The following TNFAIP6 variants were observed in gnomAD, a reference collection of about 807,000 sequenced individuals.
The protein encoded by TNFAIP6 is tumor necrosis factor-inducible gene 6 protein.
In TNFAIP6, 36 loss-of-function variants were observed where a neutral mutation model predicts 33.7. The observed-to-expected ratio is 1.07, with a 90% confidence interval of 0.82 to 1.41. The LOEUF (loss-of-function observed/expected upper bound fraction) is 1.41, where lower values mean the gene tolerates loss of function less well. TNFAIP6 is among the 40% of genes most tolerant of loss of function. TNFAIP6 has a pLI of 0.00. For synonymous variants in TNFAIP6, 113 were observed against 112.8 expected (o/e 1.00, Z -0.01); for missense variants, 273 against 331.9 (o/e 0.82, Z 1.38).
intron 5 of TNFAIP6, among the ~76,000 whole-genome samples, chr2:151,376,305 C>T (rs1165775676): frequency 6.6e-6 from 1 of 151,558 alleles, no homozygotes; most frequent in East Asian, 1.9e-4. Context: ...GTAGTCCCAG[C>T]TACTCGGGAG....
intron 1 of TNFAIP6, 121 bp downstream of exon 1, chr2:151,357,881 C>A: frequency 1.7e-6 from 1 of 577,638 alleles, no homozygotes; most frequent in South Asian, 2.7e-5. Context: ...AAAGAAAATG[C>A]TTAGGAAAGA....
At chr2:151,359,426 T>C (rs1394664881) in intron 1 of TNFAIP6, among the ~76,000 whole-genome samples, 1 of 149,962 alleles carries the variant, frequency 6.7e-6, no homozygotes, top group African/African-American at 2.5e-5. Context: ...TCTCGCTCTG[T>C]TGCCCACGCT....
At position 151,364,048 on chromosome 2, in the gene TNFAIP6, C is replaced by T. The variant is rs776169770; in HGVS notation, c.200C>T (p.Thr67Ile). ...VCEFEGGHLATYKQLEAARKI... is the reference protein window; with the variant it reads ...VCEFEGGHLAIYKQLEAARKI... ...GAATTTGAAGGCGGCCATCTCGCAA[C>T]TTACAAGCAGCTAGAGGCAGCCAGA... is the stretch of plus-strand genomic sequence containing the variant. The change falls in exon 2 of 6, where the codon ACT (threonine) becomes ATT (isoleucine). Residue 67 changes from threonine (T) to isoleucine (I), a missense_variant. Physicochemically the swap from Thr to Ile is moderately conservative, Grantham distance 89 (BLOSUM62 -1). Transcript: ENST00000243347. The T allele has an allele frequency of 5.0e-6, 8 of 1,614,108 alleles. No individual in the cohort carries two copies. In the Admixed American group the frequency reaches 6.7e-5, roughly 13 times the overall value.
chr2:151,370,252 C>T lies in TNFAIP6; in HGVS notation c.623+4C>T, dbSNP rs755444794. On this transcript the variant is annotated splice_donor_region_variant and intron_variant, in intron 4 of 5. Transcript: ENST00000243347. ...ATGTCCATGGCTTTGTGGGAAGGTA[C>T]GTATGGGTCCCCATACAGGAAGTTA... 10 of 1,605,018 alleles carry T rather than the reference C, an allele frequency of 6.2e-6. No homozygotes were observed. In the Admixed American group the frequency reaches 6.7e-5, roughly 11 times the overall value.
At chr2:151,372,470 G>C (rs1304430403) in intron 4 of TNFAIP6, among the ~76,000 whole-genome samples, 2 of 152,036 alleles carry the variant, frequency 1.3e-5, no homozygotes, top group African/African-American at 4.8e-5. Flanking sequence ...TTCAAGTCAT[G>C]ATTCAGATAA....
intron 2 of TNFAIP6, 105 bp downstream of exon 2, chr2:151,364,185 T>C: frequency 3.7e-6 from 5 of 1,358,130 alleles, no homozygotes; most frequent in Admixed American, 2.3e-5. Flanking sequence ...CCTTCTGATA[T>C]ATCACTAAGC....
chr2:151,361,759 G>T (rs1314079123), intron 1 of TNFAIP6, among the ~76,000 whole-genome samples: 1 of 152,194 alleles, frequency 6.6e-6, no homozygotes, highest in African/African-American at 2.4e-5. Flanking sequence ...ACTAGCAAAA[G>T]TTTAATGAGG....
chr2:151,365,570 C>A (rs902362000), intron 2 of TNFAIP6, among the ~76,000 whole-genome samples: 1 of 151,738 alleles, frequency 6.6e-6, no homozygotes, highest in African/African-American at 2.4e-5. Flanking sequence ...ACCCAGGAGG[C>A]GGAGGTTGGA....
chr2:151,364,083 A>C lies in TNFAIP6; in HGVS notation c.232+3A>C. 6.2e-7 allele frequency: 1 copy of C among 1,613,162 alleles called. No individual in the cohort carries two copies. The highest frequency in any genetic ancestry group is 1.1e-5 in the South Asian group (1 of 90,996). ...GCTAGAGGCAGCCAGAAAAATTGGTAACTGATTTCACAATGATTTTTCTTC... is the reference window on the plus strand; with the variant it reads ...GCTAGAGGCAGCCAGAAAAATTGGTCACTGATTTCACAATGATTTTTCTTC... On this transcript the variant is annotated splice_donor_region_variant and intron_variant, in intron 2 of 5. Coordinates refer to ENST00000243347, the MANE Select transcript of TNFAIP6 (RefSeq NM_007115.4).
intron 1 of TNFAIP6, 97 bp downstream of exon 1, chr2:151,357,857 A>G: frequency 1.4e-6 from 1 of 729,742 alleles, no homozygotes; most frequent in Non-Finnish European, 2.3e-6. Flanking sequence ...ATTCTGTACA[A>G]GGCTGATGTT....
At position 151,376,865 on chromosome 2, in the gene TNFAIP6, C is replaced by CTTTTTTTTTTTTTTT. The variant is rs71403162; in HGVS notation, c.665-2493_665-2479dup. Among the ~76,000 whole-genome samples, 620 of 114,142 alleles carry CTTTTTTTTTTTTTTT rather than the reference C, an allele frequency of 5.4e-3. 2 individuals are homozygous for CTTTTTTTTTTTTTTT. The highest frequency in any genetic ancestry group is 0.01 in the East Asian group (40 of 3,998). The allele number at this position is 114,142 out of a possible 152,430, so 74.9% of individuals were successfully genotyped here. On this transcript the variant is annotated intron_variant, in intron 5 of 5. Transcript: ENST00000243347. ...GCCAATTTACATTTCTTTTTCTTTTCTTTTTTTTTTTTTTTTTTTTGTTTT... is the reference window on the plus strand; with the variant it reads ...GCCAATTTACATTTCTTTTTCTTTTCTTTTTTTTTTTTTTTTTTTTTTTTTTTTTTTTTTTGTTTT...
rs373346527 is a variant in TNFAIP6, at chr2:151,375,580, C to T, written c.664+1991C>T. Among the ~76,000 whole-genome samples the T allele has an allele frequency of 5.9e-5, 9 of 151,860 alleles. No homozygotes were observed. The East Asian group carries it at 7.8e-4, about 13-fold the overall frequency. The stretch of plus-strand genomic sequence containing the variant: ...AAAATTGGCCAGGTGCAGTGGCACA[C>T]GCCTGTAGTCCCAGCCACTTGGGAG... On this transcript the variant is annotated intron_variant, in intron 5 of 5. Coordinates refer to ENST00000243347, the MANE Select transcript of TNFAIP6 (RefSeq NM_007115.4).
intron 1 of TNFAIP6, among the ~76,000 whole-genome samples, chr2:151,359,663 T>C (rs1021777734): frequency 1.2e-4 from 19 of 152,136 alleles, no homozygotes; most frequent in African/African-American, 3.1e-4. Context: ...GCTGGGATTA[T>C]AGGCGTGAGC....
intron 5 of TNFAIP6, among the ~76,000 whole-genome samples, chr2:151,378,892 G>A (rs1342573308): frequency 1.3e-5 from 2 of 151,800 alleles, no homozygotes; most frequent in Non-Finnish European, 2.9e-5. Flanking sequence ...GAGGTCGGGA[G>A]TTTGAGACCA....
chr2:151,363,358 G>T (rs970680539), intron 1 of TNFAIP6, among the ~76,000 whole-genome samples: 3 of 149,760 alleles, frequency 2.0e-5, no homozygotes, highest in African/African-American at 4.9e-5. Context: ...TCAGGCTATC[G>T]ATCAAAAACA....
At chr2:151,362,383 C>T (rs78377776) in intron 1 of TNFAIP6, among the ~76,000 whole-genome samples, 4 of 148,692 alleles carry the variant, frequency 2.7e-5, no homozygotes, top group East Asian at 2.0e-4. Context: ...CCAGTTTTTT[C>T]TCTGCTGTGT....
chr2:151,373,045 C>T (rs1028975383), intron 4 of TNFAIP6, among the ~76,000 whole-genome samples: 3 of 152,096 alleles, frequency 2.0e-5, no homozygotes, highest in Admixed American at 6.6e-5. Flanking sequence ...TGGCTGGGTG[C>T]GGTGGCTCAC....
chr2:151,364,164 T>G, intron 2 of TNFAIP6, 84 bp downstream of exon 2: 1 of 1,480,740 alleles, frequency 6.8e-7, no homozygotes, highest in Non-Finnish European at 9.1e-7. Flanking sequence ...TAAGACTTCT[T>G]TCTCCAACCC....
chr2:151,369,450 T>C (rs1022184297), intron 3 of TNFAIP6, among the ~76,000 whole-genome samples: 1 of 152,082 alleles, frequency 6.6e-6, no homozygotes, highest in African/African-American at 2.4e-5. Context: ...TCACTACACC[T>C]AGCCATTTTT....
Sources: gnomAD v4.1 joint callset for allele counts (sites outside exome capture counted in the v4.1 genomes callset) on GRCh38, gnomAD v4.1.1 for gene constraint, MANE v1.5 for transcripts, NCBI Gene and HGNC (gene_info 2026-07-23, HGNC 2026-07-21) for gene names.